Variants in CUBN observed in about 807,000 individuals in gnomAD.
The protein encoded by CUBN is 460 kDa receptor.
A neutral mutation model predicts 405.3 loss-of-function variants in CUBN; 282 were observed. That is an observed-to-expected ratio of 0.70 (90% CI 0.63 to 0.77). CUBN has a LOEUF of 0.77. CUBN is among the 30% of genes least tolerant of loss of function. The pLI is 0.00. For missense variants in CUBN, 4,514 were observed against 4,475.2 expected, an observed-to-expected ratio of 1.01 and a Z score of -0.25; for synonymous variants, 1,684 against 1,617.0, an observed-to-expected ratio of 1.04 and a Z score of -0.99.
intron 27 of CUBN, among the ~76,000 whole-genome samples, chr10:17,029,277 A>C (rs1354302712): frequency 6.6e-6 from 1 of 152,226 alleles, no homozygotes; most frequent in Non-Finnish European, 1.5e-5. Flanking sequence ...TCATTGTGAA[A>C]GATGGTCAGA....
chr10:16,977,777 G>A (rs1378331266), intron 31 of CUBN, among the ~76,000 whole-genome samples: 4 of 152,144 alleles, frequency 2.6e-5, no homozygotes, highest in African/African-American at 9.7e-5. Context: ...GGGGCCCGGA[G>A]TCCAGAAGCA....
chr10:16,874,120 C>T (rs1274139731), intron 58 of CUBN, among the ~76,000 whole-genome samples: 2 of 152,190 alleles, frequency 1.3e-5, no homozygotes, highest in Admixed American at 1.3e-4. Context: ...GATGCTCCTT[C>T]ACAATTGTTG....
intron 36 of CUBN, among the ~76,000 whole-genome samples, chr10:16,942,351 A>C (rs1179026971): frequency 1.3e-5 from 2 of 152,238 alleles, no homozygotes; most frequent in African/African-American, 4.8e-5. Flanking sequence ...CCAAGGTAGT[A>C]TCCTGAATAT....
intron 6 of CUBN, among the ~76,000 whole-genome samples, chr10:17,117,436 A>G (rs1836930485): frequency 6.6e-6 from 1 of 152,054 alleles, no homozygotes; most frequent in African/African-American, 2.4e-5. Context: ...CTGCAGTGGC[A>G]TGATCTCAGC....
At chr10:17,072,780 A>C (rs1835769189) in intron 17 of CUBN, among the ~76,000 whole-genome samples, 1 of 152,210 alleles carries the variant, frequency 6.6e-6, no homozygotes, top group Non-Finnish European at 1.5e-5. Context: ...AAAATGACAA[A>C]GACACAGATA....
At chr10:16,855,084 C>T (rs576011643) in intron 59 of CUBN, among the ~76,000 whole-genome samples, 26 of 128,642 alleles carry the variant, frequency 2.0e-4, no homozygotes, top group Admixed American at 7.0e-4. Flanking sequence ...CCTCCCCTCC[C>T]CTCCCTCCCT....
chr10:16,989,274 A>G (rs1833512329), intron 29 of CUBN, among the ~76,000 whole-genome samples: 2 of 151,418 alleles, frequency 1.3e-5, no homozygotes, highest in Non-Finnish European at 2.9e-5. Flanking sequence ...TGTGTTACAT[A>G]CATGTAACTA....
intron 40 of CUBN, among the ~76,000 whole-genome samples, chr10:16,932,076 T>C (rs1842377931): frequency 6.6e-6 from 1 of 152,164 alleles, no homozygotes; most frequent in Non-Finnish European, 1.5e-5. Flanking sequence ...TGATAGCCGA[T>C]TGCTGATGGG....
chr10:16,954,256 T>C, intron 32 of CUBN, 133 bp downstream of exon 32: 1 of 1,043,166 alleles, frequency 9.6e-7, no homozygotes, highest in Non-Finnish European at 1.5e-6. Context: ...ACAGTTCTTT[T>C]GTTCTATTTA....
intron 55 of CUBN, among the ~76,000 whole-genome samples, chr10:16,889,760 G>C (rs1282306300): frequency 6.6e-6 from 1 of 151,674 alleles, no homozygotes; most frequent in Non-Finnish European, 1.5e-5. Flanking sequence ...AAATTAGCTG[G>C]GCATGGTGGC....
intron 6 of CUBN, among the ~76,000 whole-genome samples, chr10:17,115,969 T>C (rs560235593): frequency 3.9e-5 from 6 of 152,314 alleles, no homozygotes; most frequent in African/African-American, 1.2e-4. Flanking sequence ...ATCTGTCCAA[T>C]TGGACCTGCC....
At chr10:17,108,370 G>C (rs180792798) in intron 10 of CUBN, among the ~76,000 whole-genome samples, 1 of 120,896 alleles carries the variant, frequency 8.3e-6, no homozygotes, top group Non-Finnish European at 1.8e-5. Context: ...TAAGCATTTA[G>C]TCACAAGTAT....
chr10:16,937,750 A>G lies in CUBN; in HGVS notation c.5768T>C (p.Ile1923Thr), dbSNP rs1842555911. 6.2e-7 allele frequency: 1 copy of G among 1,614,132 alleles called. No individual in the cohort carries two copies. Among genetic ancestry groups the G allele is most frequent in the Admixed American group, 1.7e-5 (1 of 60,014 alleles). Reference protein sequence around the residue: ...YDGPSIHARLIGAYCGTQTES... With the variant: ...YDGPSIHARLTGAYCGTQTES... The stretch of plus-strand genomic sequence containing the variant: ...AGTCTGGGTACCACAGTAAGCTCCA[A>G]TTAGGCGGGCGTGAATGCTAGGCCC... The change falls in exon 39 of 67, where the codon ATT becomes ACT. Residue 1923 changes from isoleucine to threonine, a missense_variant. Ile to Thr is a moderately conservative substitution (Grantham distance 89). Coordinates refer to ENST00000377833, the MANE Select transcript of CUBN (RefSeq NM_001081.4).
intron 22 of CUBN, among the ~76,000 whole-genome samples, chr10:17,060,463 T>G (rs1355127175): frequency 6.6e-6 from 1 of 152,202 alleles, no homozygotes; most frequent in Non-Finnish European, 1.5e-5. Context: ...AATTTAAGGA[T>G]GAAGACAAGT....
chr10:16,919,101 C>T (rs1288703383), intron 44 of CUBN, among the ~76,000 whole-genome samples: 1 of 152,138 alleles, frequency 6.6e-6, no homozygotes, highest in South Asian at 2.1e-4. Flanking sequence ...AAATTAGTCC[C>T]TAGGAATTTC....
At chr10:16,893,385 T>C (rs1841089271) in intron 54 of CUBN, among the ~76,000 whole-genome samples, 1 of 128,940 alleles carries the variant, frequency 7.8e-6, no homozygotes. Flanking sequence ...TTCCTAGTTT[T>C]ACTTGAACTC....
At chr10:16,839,265 G>A (rs1009658307) in intron 62 of CUBN, among the ~76,000 whole-genome samples, 3 of 152,098 alleles carry the variant, frequency 2.0e-5, no homozygotes, top group Admixed American at 6.5e-5. Context: ...TGAGAGCTCT[G>A]GACCTGCAGG....
intron 28 of CUBN, among the ~76,000 whole-genome samples, chr10:17,004,149 G>A (rs921739491): frequency 3.9e-5 from 6 of 152,120 alleles, no homozygotes; most frequent in African/African-American, 1.2e-4. Context: ...CACAGAGTCC[G>A]TGAAGATTTT....
At chr10:17,013,777 G>T (rs555549535) in intron 28 of CUBN, among the ~76,000 whole-genome samples, 87 of 152,308 alleles carry the variant, frequency 5.7e-4, no homozygotes, top group Middle Eastern at 6.8e-3. Context: ...GCTGGTCCCT[G>T]GGGGAAGAGG....
Sources: allele counts gnomAD v4.1 joint callset (sites outside exome capture counted in the v4.1 genomes callset), GRCh38; gene constraint gnomAD v4.1.1; transcripts MANE v1.5; gene names NCBI Gene and HGNC (gene_info 2026-07-23, HGNC 2026-07-21).